The following PRICKLE2 variants were observed in gnomAD, a reference collection of about 807,000 sequenced individuals.
The protein encoded by PRICKLE2 is prickle planar cell polarity protein 2, also known as prickle-like protein 2.
In PRICKLE2, 21 loss-of-function variants were observed where a neutral mutation model predicts 81.4. The observed-to-expected ratio is 0.26, with a 90% CI of 0.18 to 0.37. PRICKLE2 has a LOEUF of 0.37. Ranked by LOEUF, PRICKLE2 falls within the 10% of genes least tolerant of loss-of-function variation. The pLI, the probability that PRICKLE2 is intolerant of heterozygous loss-of-function variation, is 1.00. For missense variants in PRICKLE2, 940 were observed against 1,109.0 expected (o/e 0.85, Z 2.16); for synonymous variants, 456 against 421.5 (o/e 1.08, Z -1.00).
intron 1 of PRICKLE2, among the ~76,000 whole-genome samples, chr3:64,209,143 A>G (rs1434604193): frequency 1.3e-5 from 2 of 151,722 alleles, no homozygotes; most frequent in Non-Finnish European, 2.9e-5. Flanking sequence ...ATACATACAC[A>G]TCTATCCACC....
chr3:64,126,408 C>A (rs2077107723), intron 7 of PRICKLE2, among the ~76,000 whole-genome samples: 1 of 152,110 alleles, frequency 6.6e-6, no homozygotes, highest in Non-Finnish European at 1.5e-5. Flanking sequence ...TTAAACCATA[C>A]CATCTCAACC....
rs943087148 is a variant in PRICKLE2, at chr3:64,093,487, A to C, written c.*5564T>G. On this transcript the variant is annotated 3_prime_UTR_variant, in exon 8 of 8. Transcript: ENST00000638394. ...CATTTTACATTCCCACCAACAGTGTACAAGTGTTCCAATTGCTCCACATCC... is the reference window on the plus strand; with the variant it reads ...CATTTTACATTCCCACCAACAGTGTCCAAGTGTTCCAATTGCTCCACATCC... The C allele has an allele frequency of 1.3e-5, 2 of 152,196 alleles. No individual in the cohort carries two copies. Among genetic ancestry groups the C allele is most frequent in the African/African-American group, 4.8e-5 (2 of 41,446 alleles). 9.4% of individuals were successfully genotyped at this position (152,196 alleles called of 1,614,324 possible). A position where few individuals can be genotyped will look rare whatever the true frequency, so the allele number is the denominator to read the frequency against.
chr3:64,205,151 G>T (rs1010435924), intron 1 of PRICKLE2, among the ~76,000 whole-genome samples: 3 of 150,910 alleles, frequency 2.0e-5, no homozygotes, highest in African/African-American at 4.9e-5. Flanking sequence ...TTCTGTCAGA[G>T]TTGACATTCT....
chr3:64,147,673 C>T lies in PRICKLE2; in HGVS notation c.817G>A (p.Gly273Ser), dbSNP rs758789995. The change falls in exon 7 of 8, where the codon GGC becomes AGC. Residue 273 changes from glycine to serine, a missense_variant. By Grantham distance (56) the Gly-to-Ser change is moderately conservative. Coordinates refer to ENST00000638394, the MANE Select transcript of PRICKLE2 (RefSeq NM_198859.4). The surrounding 1 kb of genome is among the most constrained non-coding windows in gnomAD (Gnocchi z 5.0). ...GTCTCAGTGGCATGCCAGTGTTGGC[C>T]ATCATAGGTCATTTGACCTTGGTCG... Reference protein sequence around the residue: ...GIDQGQMTYDGQHWHATETCF... With the variant: ...GIDQGQMTYDSQHWHATETCF... 2.5e-6 allele frequency: 4 copies of T among 1,613,842 alleles called. No homozygotes were observed. The highest frequency in any genetic ancestry group is 8.5e-7 in the Non-Finnish European group (1 of 1,180,026).
rs566876142 is a variant in PRICKLE2 at position 64,123,424 on chromosome 3, T to G, written c.1660+23406A>C. Among the ~76,000 whole-genome samples the G allele has an allele frequency of 3.3e-5, 5 of 152,284 alleles. No homozygotes were observed. The South Asian group carries it at 1.0e-3, about 32-fold the overall frequency. ...CAAATGCTCAAGGGAGCATTTCAAG[T>G]TTTGGATTTTTAGATTAGTGATGCT... On this transcript the variant is annotated intron_variant, in intron 7 of 7. Coordinates refer to ENST00000638394, the MANE Select transcript of PRICKLE2 (RefSeq NM_198859.4).
At chr3:64,128,690 G>A (rs979474311) in intron 7 of PRICKLE2, among the ~76,000 whole-genome samples, 4 of 142,086 alleles carry the variant, frequency 2.8e-5, no homozygotes, top group Non-Finnish European at 6.0e-5. Flanking sequence ...AGGTTGTAGT[G>A]AGCCAAGATC....
chr3:64,214,407 C>T (rs1310657178), intron 1 of PRICKLE2, among the ~76,000 whole-genome samples: 1 of 152,128 alleles, frequency 6.6e-6, no homozygotes, highest in Non-Finnish European at 1.5e-5. Flanking sequence ...CAGGGAAAGA[C>T]ATTATTTTCA....
chr3:64,256,066 G>A (rs1343657351), intron 2 of PRICKLE2, among the ~76,000 whole-genome samples: 1 of 150,222 alleles, frequency 6.7e-6, no homozygotes, highest in Non-Finnish European at 1.5e-5. Context: ...TCTTTGAGGA[G>A]AGACAAATAA....
At chr3:64,125,435 G>A (rs830006) in intron 7 of PRICKLE2, among the ~76,000 whole-genome samples, 83,666 of 152,002 alleles carry the variant, frequency 0.55, 23,305 homozygotes, top group South Asian at 0.64. Flanking sequence ...ACATACTACA[G>A]AGAAATCTTT....
chr3:64,227,818 A>T (rs889141297), upstream of PRICKLE2, among the ~76,000 whole-genome samples: 1 of 152,222 alleles, frequency 6.6e-6, no homozygotes, highest in Non-Finnish European at 1.5e-5. Flanking sequence ...ATTAATAGAA[A>T]CAATCATGCT....
chr3:64,161,380 T>C (rs1308065774), intron 3 of PRICKLE2, among the ~76,000 whole-genome samples: 1 of 152,214 alleles, frequency 6.6e-6, no homozygotes, highest in Admixed American at 6.5e-5. Flanking sequence ...CTTGGATGAT[T>C]TGTTACACAG....
At chr3:64,171,184 A>T (rs1268370138) in intron 2 of PRICKLE2, among the ~76,000 whole-genome samples, 2 of 152,170 alleles carry the variant, frequency 1.3e-5, no homozygotes, top group Non-Finnish European at 2.9e-5. Flanking sequence ...GTCTTTGCTC[A>T]AGGGCCACCT....
At chr3:64,258,525 T>C (rs1257618696) in intron 2 of PRICKLE2, among the ~76,000 whole-genome samples, 4 of 152,072 alleles carry the variant, frequency 2.6e-5, no homozygotes, top group Admixed American at 6.5e-5. Context: ...CAATCTATGA[T>C]GTTAGAAATC....
At chr3:64,256,428 C>T (rs1271688633) in intron 2 of PRICKLE2, among the ~76,000 whole-genome samples, 2 of 152,128 alleles carry the variant, frequency 1.3e-5, no homozygotes, top group Non-Finnish European at 2.9e-5. Flanking sequence ...TTTCTCATTA[C>T]ACAAGTACCT....
intron 2 of PRICKLE2, among the ~76,000 whole-genome samples, chr3:64,170,787 A>G (rs2077917124): frequency 6.6e-6 from 1 of 150,972 alleles, no homozygotes; most frequent in Admixed American, 6.6e-5. Flanking sequence ...AGCTGGGAGG[A>G]TCACTTGAGT....
intron 6 of PRICKLE2, among the ~76,000 whole-genome samples, chr3:64,148,593 A>C (rs566409418): frequency 1.4e-4 from 22 of 152,344 alleles, no homozygotes; most frequent in Middle Eastern, 3.4e-3. Context: ...TGTTTTCTTC[A>C]GAACTCCTAA....
At chr3:64,212,203 C>T (rs1160275942) in intron 1 of PRICKLE2, among the ~76,000 whole-genome samples, 1 of 152,196 alleles carries the variant, frequency 6.6e-6, no homozygotes, top group Non-Finnish European at 1.5e-5. Flanking sequence ...ATTTCCTCAG[C>T]TGCCTGTCAG....
chr3:64,133,191 G>A (rs1352146587), intron 7 of PRICKLE2, among the ~76,000 whole-genome samples: 2 of 152,182 alleles, frequency 1.3e-5, no homozygotes, highest in Admixed American at 1.3e-4. Context: ...GACAGAGGAA[G>A]CCACCTGCTT....
intron 2 of PRICKLE2, among the ~76,000 whole-genome samples, chr3:64,263,878 T>G (rs1306468902): frequency 6.6e-6 from 1 of 152,176 alleles, no homozygotes; most frequent in Non-Finnish European, 1.5e-5. Flanking sequence ...CACGAGGGCC[T>G]CTGCCCCATG....
Sources: allele counts gnomAD v4.1 joint callset (sites outside exome capture counted in the v4.1 genomes callset), GRCh38; gene constraint gnomAD v4.1.1; non-coding constraint Gnocchi (gnomAD v3.1); transcripts MANE v1.5; gene names NCBI Gene and HGNC (gene_info 2026-07-23, HGNC 2026-07-21).